The following AKT3 variants were observed in gnomAD, a reference collection of about 807,000 sequenced individuals.
AKT3 encodes the protein AKT serine/threonine kinase 3.
A neutral mutation model predicts 65.3 loss-of-function variants in AKT3; 15 were observed. The observed-to-expected ratio is 0.23, with a 90% CI of 0.15 to 0.35. The LOEUF is 0.35. AKT3 is among the 10% of genes least tolerant of loss of function. The probability of loss-of-function intolerance (pLI) is 1.00; values close to 1 mark genes in which losing one functional copy is unlikely to be tolerated. For synonymous variants in AKT3, 206 were observed against 183.8 expected (o/e 1.12, Z -0.98); for missense variants, 243 against 576.5 (o/e 0.42, Z 5.92).
intron 8 of AKT3, among the ~76,000 whole-genome samples, chr1:243,609,370 C>T (rs1231585475): frequency 1.7e-5 from 2 of 116,706 alleles, no homozygotes; most frequent in Admixed American, 1.7e-4. Context: ...GTGTGTGTAC[C>T]AACACTGTAA....
At chr1:243,663,958 C>T (rs1002852782) in intron 4 of AKT3, among the ~76,000 whole-genome samples, 1 of 152,088 alleles carries the variant, frequency 6.6e-6, no homozygotes, top group Admixed American at 6.6e-5. Context: ...AGTGTTGTCA[C>T]TACCCACTTT....
chr1:243,823,270 A>G (rs540523537), intron 2 of AKT3, among the ~76,000 whole-genome samples: 4 of 152,232 alleles, frequency 2.6e-5, no homozygotes, highest in African/African-American at 9.6e-5. Flanking sequence ...GTATTTATGG[A>G]ACATAGCTCA....
intron 2 of AKT3, among the ~76,000 whole-genome samples, chr1:243,766,472 G>A (rs980932697): frequency 3.9e-5 from 6 of 152,166 alleles, no homozygotes; most frequent in African/African-American, 1.2e-4. Flanking sequence ...TGTTCTGCCA[G>A]GGAAAGGCAA....
At chr1:243,711,091 C>A (rs760177240) in intron 2 of AKT3, among the ~76,000 whole-genome samples, 2 of 152,150 alleles carry the variant, frequency 1.3e-5, no homozygotes, top group South Asian at 2.1e-4. Flanking sequence ...GAGGCCAAGG[C>A]GGGTGGTTCA....
intron 2 of AKT3, among the ~76,000 whole-genome samples, chr1:243,698,000 A>C (rs1685169448): frequency 6.6e-6 from 1 of 152,068 alleles, no homozygotes; most frequent in Admixed American, 6.6e-5. Flanking sequence ...GATGCTCTTC[A>C]CTTTATTTTA....
chr1:243,791,991 A>G (rs1422591295), intron 2 of AKT3, among the ~76,000 whole-genome samples: 1 of 152,202 alleles, frequency 6.6e-6, no homozygotes, highest in East Asian at 1.9e-4. Flanking sequence ...TAAATCTTCT[A>G]TTTTGTCAAA....
intron 12 of AKT3, among the ~76,000 whole-genome samples, chr1:243,522,410 C>T (rs928777333): frequency 6.6e-6 from 1 of 152,126 alleles, no homozygotes; most frequent in Non-Finnish European, 1.5e-5. Flanking sequence ...ATAATTCCAA[C>T]AATGTAGGAG....
At chr1:243,616,831 G>A (rs775977676) in intron 6 of AKT3, among the ~76,000 whole-genome samples, 4 of 152,116 alleles carry the variant, frequency 2.6e-5, no homozygotes, top group Admixed American at 1.3e-4. Context: ...AATTAACAAC[G>A]AGTGAAGGAA....
At chr1:243,550,019 A>G (rs936409410) in intron 11 of AKT3, among the ~76,000 whole-genome samples, 1 of 151,886 alleles carries the variant, frequency 6.6e-6, no homozygotes, top group Non-Finnish European at 1.5e-5. Flanking sequence ...TCCTAGCTAT[A>G]CTCTACATGT....
intron 2 of AKT3, among the ~76,000 whole-genome samples, chr1:243,821,941 T>C (rs983494805): frequency 6.6e-6 from 1 of 152,208 alleles, no homozygotes; most frequent in Admixed American, 6.5e-5. Context: ...CTGATAGATA[T>C]CTGTAGAACT....
chr1:243,645,617 A>G (rs1680751374), intron 5 of AKT3, among the ~76,000 whole-genome samples: 1 of 152,232 alleles, frequency 6.6e-6, no homozygotes, highest in African/African-American at 2.4e-5. Flanking sequence ...ATTAAAAATA[A>G]TAAGGAAAAA....
chr1:243,610,132 C>G (rs1042482475), intron 8 of AKT3, among the ~76,000 whole-genome samples: 1 of 152,110 alleles, frequency 6.6e-6, no homozygotes, highest in Non-Finnish European at 1.5e-5. Context: ...AAAAAGATAT[C>G]CTCTCCTAAA....
chr1:243,547,417 A>G (rs1199958050), intron 11 of AKT3, among the ~76,000 whole-genome samples: 2 of 152,194 alleles, frequency 1.3e-5, no homozygotes, highest in Non-Finnish European at 2.9e-5. Context: ...AAATTGGTGA[A>G]AATTTAACAG....
intron 3 of AKT3, among the ~76,000 whole-genome samples, chr1:243,665,701 TTAA>T (rs1041935111): frequency 6.6e-6 from 1 of 152,230 alleles, no homozygotes; most frequent in Non-Finnish European, 1.5e-5. Context: ...GATGTAGGAA[TTAA>T]TAATAAGTTC....
In AKT3 at chr1:243,664,889, A is replaced by C; in HGVS notation, c.173-6T>G. ...TGTTTTCATTAACTGGCATTCTAAGAATAAAATAAAATGTTTCTTTAAATA... is the reference window on the plus strand; with the variant it reads ...TGTTTTCATTAACTGGCATTCTAAGCATAAAATAAAATGTTTCTTTAAATA... On this transcript the variant is annotated splice_polypyrimidine_tract_variant and splice_region_variant and intron_variant, in intron 3 of 13. Coordinates refer to ENST00000673466, the MANE Select transcript of AKT3 (RefSeq NM_005465.7). 6.2e-6 allele frequency: 9 copies of C among 1,447,684 alleles called. No individual in the cohort carries two copies. Among genetic ancestry groups the C allele is most frequent in the Non-Finnish European group, 8.5e-6 (9 of 1,063,934 alleles). 89.7% of individuals were successfully genotyped at this position (1,447,684 alleles called of 1,614,324 possible).
chr1:243,808,016 C>T (rs1013188111), intron 2 of AKT3: 1 of 152,292 alleles, frequency 6.6e-6, no homozygotes, highest in Admixed American at 6.5e-5. Flanking sequence ...GACATCCACA[C>T]CAAAAACCCA....
At chr1:243,844,395 A>G (rs998610548) in intron 1 of AKT3, among the ~76,000 whole-genome samples, 4 of 152,230 alleles carry the variant, frequency 2.6e-5, no homozygotes, top group Non-Finnish European at 5.9e-5. Context: ...ATACTTGGGA[A>G]AGATACGTCA....
chr1:243,829,907 G>C (rs974018029), intron 2 of AKT3, among the ~76,000 whole-genome samples: 1 of 152,346 alleles, frequency 6.6e-6, no homozygotes. Context: ...CAGACTATGA[G>C]AAGAGGCTAA....
intron 5 of AKT3, among the ~76,000 whole-genome samples, chr1:243,641,244 A>AT (rs1262035312): frequency 8.8e-6 from 1 of 113,310 alleles, no homozygotes; most frequent in Non-Finnish European, 1.9e-5. Context: ...TAAACTCCAT[A>AT]TATATGTGTG....
Sources: gnomAD v4.1 joint callset for allele counts (sites outside exome capture counted in the v4.1 genomes callset) on GRCh38, gnomAD v4.1.1 for gene constraint, MANE v1.5 for transcripts, NCBI Gene and HGNC (gene_info 2026-07-23, HGNC 2026-07-21) for gene names.